Variants in PRKCE observed in about 807,000 individuals in gnomAD.
The protein encoded by PRKCE is protein kinase C epsilon type.
PRKCE carries 16 observed loss-of-function variants against 85.4 expected under a neutral mutation model. That is an observed-to-expected ratio of 0.19 (90% CI 0.13 to 0.28). PRKCE has a LOEUF of 0.28. Ranked by LOEUF, PRKCE falls within the 10% of genes least tolerant of loss-of-function variation. The probability of loss-of-function intolerance (pLI) is 1.00; values close to 1 mark genes in which losing one functional copy is unlikely to be tolerated. For missense variants in PRKCE, 573 were observed against 975.2 expected, an observed-to-expected ratio of 0.59 and a Z score of 5.49; for synonymous variants, 388 against 371.5, an observed-to-expected ratio of 1.04 and a Z score of -0.51.
At chr2:46,055,970 C>T (rs1480018735) in intron 10 of PRKCE, among the ~76,000 whole-genome samples, 1 of 152,142 alleles carries the variant, frequency 6.6e-6, no homozygotes, top group Non-Finnish European at 1.5e-5. Flanking sequence ...GCCAGTAAGT[C>T]TAATTTTTGC....
chr2:46,137,124 G>T (rs1015977966), intron 11 of PRKCE, among the ~76,000 whole-genome samples: 1 of 152,166 alleles, frequency 6.6e-6, no homozygotes, highest in African/African-American at 2.4e-5. Context: ...TTTCGCAGAG[G>T]TTACATCATT....
At chr2:45,881,707 A>C (rs1254149253) in intron 2 of PRKCE, among the ~76,000 whole-genome samples, 1 of 152,206 alleles carries the variant, frequency 6.6e-6, no homozygotes, top group Non-Finnish European at 1.5e-5. Context: ...AGCACGATGG[A>C]ATGACTTGCC....
At chr2:45,917,726 C>T (rs531882779) in intron 2 of PRKCE, among the ~76,000 whole-genome samples, 21 of 152,330 alleles carry the variant, frequency 1.4e-4, no homozygotes, top group South Asian at 2.1e-4. Flanking sequence ...CAGGGGGCGG[C>T]GCTCGTCGGG....
chr2:46,017,089 T>C (rs1221063687), intron 10 of PRKCE, among the ~76,000 whole-genome samples: 2 of 151,826 alleles, frequency 1.3e-5, no homozygotes, highest in Non-Finnish European at 2.9e-5. Context: ...ATCTTAACCG[T>C]TTTTAAGTGT....
chr2:46,122,881 G>GA (rs1673444623), intron 11 of PRKCE, among the ~76,000 whole-genome samples: 1 of 117,188 alleles, frequency 8.5e-6, no homozygotes, highest in Non-Finnish European at 1.7e-5. Flanking sequence ...AACAGTCTGG[G>GA]TTTTTTTTTT....
chr2:45,711,783 C>T (rs1219630501), intron 1 of PRKCE, among the ~76,000 whole-genome samples: 4 of 152,110 alleles, frequency 2.6e-5, no homozygotes, highest in African/African-American at 9.7e-5. Flanking sequence ...CGCGACCATG[C>T]CCAGCTAATT....
chr2:45,796,221 C>T (rs1020160983), intron 1 of PRKCE, among the ~76,000 whole-genome samples: 12 of 152,278 alleles, frequency 7.9e-5, no homozygotes, highest in Non-Finnish European at 5.9e-5. Context: ...GTCCAGGTGT[C>T]GTTTGTATAA....
chr2:45,763,807 G>A (rs766744102), intron 1 of PRKCE, among the ~76,000 whole-genome samples: 1 of 152,118 alleles, frequency 6.6e-6, no homozygotes. Context: ...TCTCTCTCAC[G>A]GTGGAGGGAA....
chr2:45,983,065 C>T (rs1703018749), intron 5 of PRKCE, among the ~76,000 whole-genome samples: 1 of 152,226 alleles, frequency 6.6e-6, no homozygotes, highest in Non-Finnish European at 1.5e-5. Flanking sequence ...CTAAGCTAGG[C>T]ATCTAAGAAT....
chr2:45,995,106 C>G (rs894503110), intron 6 of PRKCE, among the ~76,000 whole-genome samples: 8 of 152,084 alleles, frequency 5.3e-5, no homozygotes, highest in African/African-American at 1.9e-4. Flanking sequence ...GGTGTATGCT[C>G]AAGTCTTTTG....
At chr2:46,024,910 T>G (rs1706978930) in intron 10 of PRKCE, among the ~76,000 whole-genome samples, 1 of 152,242 alleles carries the variant, frequency 6.6e-6, no homozygotes. Flanking sequence ...CACGTTGTCA[T>G]GAATGGTGAA....
intron 1 of PRKCE, among the ~76,000 whole-genome samples, chr2:45,773,278 C>T (rs750882118): frequency 5.3e-5 from 8 of 152,120 alleles, no homozygotes; most frequent in Non-Finnish European, 7.3e-5. Flanking sequence ...GAGTGGTGGC[C>T]GAGGAGACCT....
chr2:46,036,172 A>C (rs1707844700), intron 10 of PRKCE, among the ~76,000 whole-genome samples: 1 of 152,130 alleles, frequency 6.6e-6, no homozygotes, highest in African/African-American at 2.4e-5. Context: ...TGGGACTTCT[A>C]AGGAGCAGTG....
At chr2:46,156,095 C>T (rs72808774) in intron 13 of PRKCE, among the ~76,000 whole-genome samples, 2,584 of 150,980 alleles carry the variant, frequency 0.017, 42 homozygotes, top group Non-Finnish European at 0.026. Context: ...CTAGCCATTT[C>T]GCGCCTCATC....
intron 11 of PRKCE, among the ~76,000 whole-genome samples, chr2:46,133,747 C>T (rs540850543): frequency 3.3e-5 from 5 of 152,322 alleles, no homozygotes; most frequent in Admixed American, 3.3e-4. Context: ...GAGGACCAAT[C>T]TGTGAACACG....
At chr2:45,737,536 C>T (rs1682181147) in intron 1 of PRKCE, among the ~76,000 whole-genome samples, 1 of 152,024 alleles carries the variant, frequency 6.6e-6, no homozygotes. Flanking sequence ...CGCAACTGCC[C>T]AGCGGAGGAC....
intron 1 of PRKCE, among the ~76,000 whole-genome samples, chr2:45,827,166 G>T (rs1038868989): frequency 2.0e-5 from 3 of 152,164 alleles, no homozygotes; most frequent in African/African-American, 4.8e-5. Context: ...TCAACTACTG[G>T]CAAAGACCAA....
chr2:46,161,944 CAG>C (rs1448593331), intron 14 of PRKCE, among the ~76,000 whole-genome samples: 2 of 152,040 alleles, frequency 1.3e-5, no homozygotes, highest in East Asian at 3.9e-4. Flanking sequence ...GTATGAAGAA[CAG>C]GGGTGAGGTG....
At chr2:45,829,261 T>C (rs1020320931) in intron 1 of PRKCE, among the ~76,000 whole-genome samples, 10 of 152,214 alleles carry the variant, frequency 6.6e-5, no homozygotes. Context: ...CTTTATAAAT[T>C]TTGTGTCAAT....
Sources: gnomAD v4.1 joint callset for allele counts (sites outside exome capture counted in the v4.1 genomes callset) on GRCh38, gnomAD v4.1.1 for gene constraint, MANE v1.5 for transcripts, NCBI Gene and HGNC (gene_info 2026-07-23, HGNC 2026-07-21) for gene names.